Variants in ST6GALNAC6 observed in about 807,000 individuals in gnomAD.
ST6GALNAC6 encodes the protein ST6 N-acetylgalactosaminide alpha-2,6-sialyltransferase 6, also known as alpha-N-acetylgalactosaminide alpha-2,6-sialyltransferase 6.
A neutral mutation model predicts 34.3 loss-of-function variants in ST6GALNAC6; 19 were observed. That is an observed-to-expected ratio of 0.55 (90% confidence interval 0.39 to 0.81). The LOEUF (loss-of-function observed/expected upper bound fraction) is 0.81. ST6GALNAC6 is among the 40% of genes least tolerant of loss of function. The pLI is 0.00. For missense variants in ST6GALNAC6, 377 were observed against 467.7 expected, an observed-to-expected ratio of 0.81 and a Z score of 1.79; for synonymous variants, 185 against 182.1, an observed-to-expected ratio of 1.02 and a Z score of -0.13.
chr9:127,888,786 A>G (rs994612260), intron 5 of ST6GALNAC6, among the ~76,000 whole-genome samples: 1 of 151,144 alleles, frequency 6.6e-6, no homozygotes, highest in Non-Finnish European at 1.5e-5. Context: ...AGCCTGGGTG[A>G]CAGGGCAAGA....
upstream of ST6GALNAC6, chr9:127,905,425 A>G: frequency 1.0e-6 from 1 of 985,572 alleles, no homozygotes; most frequent in Non-Finnish European, 1.2e-6. Flanking sequence ...ACCCGAGGGT[A>G]GGGCCAGGTT....
intron 4 of ST6GALNAC6, among the ~76,000 whole-genome samples, chr9:127,891,300 C>T (rs1830118927): frequency 6.6e-6 from 1 of 151,976 alleles, no homozygotes; most frequent in South Asian, 2.1e-4. Context: ...GCACATAATA[C>T]ATGCCAGGAA....
At chr9:127,891,934 C>T (rs1208071112) in intron 4 of ST6GALNAC6, among the ~76,000 whole-genome samples, 5 of 151,914 alleles carry the variant, frequency 3.3e-5, no homozygotes, top group African/African-American at 1.2e-4. Context: ...GGCGGATCAC[C>T]TGAGCTCAGG....
upstream of ST6GALNAC6, chr9:127,899,678 C>CGGGGCCGCGGGTGGCT: frequency 3.0e-6 from 3 of 984,058 alleles, no homozygotes; most frequent in Non-Finnish European, 2.4e-6. Flanking sequence ...GGCGGAGCCT[C>CGGGGCCGCGGGTGGCT]GGGGCCGCGG....
rs1830339889 is a variant in ST6GALNAC6 at position 127,894,617 on chromosome 9, G to A, written c.192C>T (p.Ala64=). ...TILILYSSNS[A]NEVFHYGSLR... is the part of the protein sequence containing the mutation. The stretch of plus-strand genomic sequence containing the variant: ...GGGAGCCGTAATGGAAGACCTCATT[G>A]GCACTGTTGGAGCTGTAGAGGATGA... Residue 64 remains alanine, a synonymous_variant, in exon 4 of 7, where the codon GCC becomes GCT. Transcript: ENST00000373146. The A allele has an allele frequency of 1.2e-6, 2 of 1,614,080 alleles. No homozygotes were observed. The highest frequency in any genetic ancestry group is 2.2e-5 in the South Asian group (2 of 91,090).
At chr9:127,887,664 C>A in intron 5 of ST6GALNAC6, 73 bp from the exon 6 acceptor site, 1 of 1,260,954 alleles carries the variant, frequency 7.9e-7, no homozygotes, top group Non-Finnish European at 1.1e-6. Flanking sequence ...GGGTCACCCA[C>A]GTGGAGTTCC....
chr9:127,890,738 C>T lies in ST6GALNAC6; in HGVS notation c.603G>A (p.Gln201=), dbSNP rs1236724455. 4.3e-6 allele frequency: 7 copies of T among 1,613,474 alleles called. No individual in the cohort carries two copies. Among genetic ancestry groups the T allele is most frequent in the Non-Finnish European group, 4.2e-6 (5 of 1,179,738 alleles). ...TGTTGGGGAACACCAGGCCCGCTCG[C>T]TGGATCACACGCACGAGGCTGCCCT... is the stretch of plus-strand genomic sequence containing the variant. The part of the protein sequence containing the change: ...KPQGSLVRVI[Q]RAGLVFPNME... The change falls in exon 5 of 7, where the codon CAG becomes CAA. Residue 201 remains glutamine, a synonymous_variant. Coordinates refer to ENST00000373146, the MANE Select transcript of ST6GALNAC6 (RefSeq NM_013443.5). This position sits in a 1 kb window ranked among gnomAD's most constrained non-coding sequence, Gnocchi z 4.3.
chr9:127,888,341 TA>T (rs768677054), intron 5 of ST6GALNAC6, among the ~76,000 whole-genome samples: 93 of 151,196 alleles, frequency 6.2e-4, no homozygotes, highest in Non-Finnish European at 7.4e-4. Context: ...CTGTCTCTAC[TA>T]AAAATACAAA....
rs746867952 is a variant in ST6GALNAC6 at position 127,890,897 on chromosome 9, G to A, written c.444C>T (p.Gly148=). 6.2e-7 allele frequency: 1 copy of A among 1,614,026 alleles called. No individual in the cohort carries two copies. Among genetic ancestry groups the A allele is most frequent in the Admixed American group, 1.7e-5 (1 of 59,992 alleles). The change falls in exon 5 of 7, where the codon GGC becomes GGT. Residue 148 remains glycine, a synonymous_variant. Coordinates refer to ENST00000373146, the MANE Select transcript of ST6GALNAC6 (RefSeq NM_013443.5). The surrounding 1 kb of genome is among the most constrained non-coding windows in gnomAD (Gnocchi z 4.3). ...APTTGYSADV[G]NKTTYRVVAH... is the part of the protein sequence containing the mutation. ...CCACGACGCGGTAGGTGGTCTTGTT[G>A]CCCACATCAGCTGAGTAGCCAGTGG...
chr9:127,897,200 C>G, intron 2 of ST6GALNAC6: 1 of 985,800 alleles, frequency 1.0e-6, no homozygotes. Flanking sequence ...CCAGGGTTCC[C>G]CACCTGTGAA....
At chr9:127,899,649 G>C (rs1162761100), upstream of ST6GALNAC6, 4 of 983,590 alleles carry the variant, frequency 4.1e-6, no homozygotes, top group Non-Finnish European at 4.8e-6. Context: ...GTCACGGCCC[G>C]GCCCAGGCCT....
intron 2 of ST6GALNAC6, chr9:127,897,178 C>T (rs1379228119): frequency 2.0e-6 from 2 of 985,624 alleles, no homozygotes; most frequent in South Asian, 4.7e-5. Flanking sequence ...ACAACCAAAA[C>T]CCAGCTCCTT....
upstream of ST6GALNAC6, chr9:127,899,619 C>T: frequency 1.0e-6 from 1 of 982,534 alleles, no homozygotes; most frequent in African/African-American, 1.8e-5. Flanking sequence ...ACCCGCGGCC[C>T]GCCGGGTCCT....
intron 2 of ST6GALNAC6, chr9:127,897,408 CA>C: frequency 1.0e-6 from 1 of 986,562 alleles, no homozygotes. Context: ...CAGGAATAGC[CA>C]GAGAACCTCG....
At chr9:127,901,168 TG>T (rs2131594993), upstream of ST6GALNAC6, among the ~76,000 whole-genome samples, 1 of 152,302 alleles carries the variant, frequency 6.6e-6, no homozygotes. Flanking sequence ...AGAATGGAAT[TG>T]TTTTATACAA....
chr9:127,903,885 C>G (rs571035523), upstream of ST6GALNAC6: 7 of 152,326 alleles, frequency 4.6e-5, no homozygotes, highest in Non-Finnish European at 1.0e-4. Context: ...GCCAGTGACC[C>G]GAATCAAACA....
rs373823204 is a variant in ST6GALNAC6 at position 127,887,607 on chromosome 9, G to A, written c.705-16C>T. On this transcript the variant is annotated splice_polypyrimidine_tract_variant and intron_variant, in intron 5 of 6. Coordinates refer to ENST00000373146, the MANE Select transcript of ST6GALNAC6 (RefSeq NM_013443.5). ...AGACTTCTCCCTGGGGATGGAGAGG[G>A]GTCACGATGAGGGCACATGCAGGGA... 1.9e-5 allele frequency: 31 copies of A among 1,595,966 alleles called. No homozygotes were observed. The African/African-American group carries it at 3.4e-4, about 17-fold the overall frequency.
intron 5 of ST6GALNAC6, among the ~76,000 whole-genome samples, chr9:127,888,436 G>A (rs570117240): frequency 4.8e-4 from 72 of 150,368 alleles, no homozygotes; most frequent in African/African-American, 1.6e-3. Flanking sequence ...CCCAGGAGGT[G>A]GAAGTTGCAG....
intron 5 of ST6GALNAC6, 149 bp from the exon 6 acceptor site, chr9:127,887,740 G>C (rs1343637708): frequency 3.1e-6 from 2 of 649,450 alleles, no homozygotes; most frequent in Non-Finnish European, 5.5e-6. Flanking sequence ...GTCCAGCCTC[G>C]CTGATGGGAG....
Sources: gnomAD v4.1 joint callset for allele counts (sites outside exome capture counted in the v4.1 genomes callset) on GRCh38, gnomAD v4.1.1 for gene constraint, Gnocchi (gnomAD v3.1) non-coding constraint, MANE v1.5 for transcripts, NCBI Gene and HGNC (gene_info 2026-07-23, HGNC 2026-07-21) for gene names.